MOB3B: variants seen among roughly 807,000 people sequenced by gnomAD.
The protein encoded by MOB3B is MOB kinase activator 3B, also known as MOB kinase activator-like 2B.
A neutral mutation model predicts 18.7 loss-of-function variants in MOB3B; 7 were observed. The ratio of observed to expected loss-of-function variants is 0.37; its 90% CI spans 0.21 to 0.70. The LOEUF is 0.70. Among genes scored for constraint, MOB3B ranks in the 30% least tolerant of loss-of-function variants. MOB3B has a pLI of 0.52. For synonymous variants in MOB3B, 111 were observed against 99.9 expected (o/e 1.11, Z -0.66); for missense variants, 253 against 281.3 (o/e 0.90, Z 0.72).
At chr9:27,364,908 C>T (rs539138194) in intron 2 of MOB3B, among the ~76,000 whole-genome samples, 1 of 152,272 alleles carries the variant, frequency 6.6e-6, no homozygotes, top group Non-Finnish European at 1.5e-5. Context: ...TTGCAAAAAA[C>T]TTACAGTGGC....
rs147687043 is a variant in MOB3B at position 27,525,203 on chromosome 9, G to A, written c.-199+4352C>T. 3.3e-5 allele frequency among the ~76,000 whole-genome samples: 5 copies of A among 152,212 alleles called. No homozygotes were observed. In the East Asian group the frequency reaches 9.7e-4, roughly 29 times the overall value. On this transcript the variant is annotated intron_variant, in intron 1 of 3. Coordinates refer to ENST00000262244, the MANE Select transcript of MOB3B (RefSeq NM_024761.5). Reference sequence around the variant, plus strand: ...TTTAAAGGAATAAGATTCCCTCTCCGTCTTCTTCTATTCTCTCTTGCTCTT... The same window carrying A: ...TTTAAAGGAATAAGATTCCCTCTCCATCTTCTTCTATTCTCTCTTGCTCTT...
At chr9:27,451,021 T>C (rs1822774885) in intron 2 of MOB3B, among the ~76,000 whole-genome samples, 1 of 152,190 alleles carries the variant, frequency 6.6e-6, no homozygotes, top group African/African-American at 2.4e-5. Flanking sequence ...CATGTAATTG[T>C]TTTATACATG....
intron 1 of MOB3B, among the ~76,000 whole-genome samples, chr9:27,494,840 C>A (rs1349868871): frequency 1.3e-5 from 2 of 152,044 alleles, no homozygotes; most frequent in South Asian, 2.1e-4. Context: ...ACAGTGCCAC[C>A]CCTCCCCCTA....
At chr9:27,415,050 C>T (rs578050155) in intron 2 of MOB3B, among the ~76,000 whole-genome samples, 8 of 151,668 alleles carry the variant, frequency 5.3e-5, no homozygotes, top group Admixed American at 2.0e-4. Flanking sequence ...TTAGTAGGGA[C>T]GGGGTTTCAC....
At chr9:27,432,671 C>A (rs944472444) in intron 2 of MOB3B, among the ~76,000 whole-genome samples, 1 of 152,168 alleles carries the variant, frequency 6.6e-6, no homozygotes, top group African/African-American at 2.4e-5. Flanking sequence ...TGTCTAGTCT[C>A]ATCCTTTCCT....
intron 1 of MOB3B, among the ~76,000 whole-genome samples, chr9:27,458,015 G>A (rs1207469480): frequency 6.6e-6 from 1 of 152,182 alleles, no homozygotes; most frequent in Non-Finnish European, 1.5e-5. Context: ...TACAGAGAAA[G>A]GGTGGTGAGG....
At chr9:27,455,084 T>A in intron 2 of MOB3B, 49 bp downstream of exon 2, 1 of 1,605,940 alleles carries the variant, frequency 6.2e-7, no homozygotes, top group Non-Finnish European at 8.5e-7. Flanking sequence ...ATTTTCATAG[T>A]GAAGATTGTG....
At chr9:27,430,620 A>G (rs1017561741) in intron 2 of MOB3B, among the ~76,000 whole-genome samples, 3 of 152,302 alleles carry the variant, frequency 2.0e-5, no homozygotes, top group East Asian at 1.9e-4. Flanking sequence ...ACATCACACC[A>G]TATTTTTTAT....
intron 2 of MOB3B, among the ~76,000 whole-genome samples, chr9:27,428,767 T>G (rs1045055311): frequency 4.6e-5 from 7 of 152,180 alleles, no homozygotes; most frequent in South Asian, 4.1e-4. Context: ...TTAGCACAAA[T>G]GCTGCATGCT....
chr9:27,529,478 C>T (rs1820497460), intron 1 of MOB3B, 77 bp downstream of exon 1: 3 of 935,480 alleles, frequency 3.2e-6, no homozygotes, highest in Non-Finnish European at 3.8e-6. Flanking sequence ...AACCTCGCCG[C>T]CCGCCCGGGC....
chr9:27,499,494 T>C (rs1819955042), intron 1 of MOB3B, among the ~76,000 whole-genome samples: 1 of 152,224 alleles, frequency 6.6e-6, no homozygotes, highest in Admixed American at 6.5e-5. Context: ...TCTTTATCTG[T>C]TTTTAACAAC....
intron 2 of MOB3B, among the ~76,000 whole-genome samples, chr9:27,453,486 A>G (rs1360528309): frequency 6.6e-6 from 1 of 152,206 alleles, no homozygotes; most frequent in Non-Finnish European, 1.5e-5. Flanking sequence ...ATATAGAGGC[A>G]TCCATAGAGG....
chr9:27,375,055 C>A (rs1194053482), intron 2 of MOB3B, among the ~76,000 whole-genome samples: 1 of 152,162 alleles, frequency 6.6e-6, no homozygotes, highest in Non-Finnish European at 1.5e-5. Context: ...CACTGGCCTG[C>A]CACCTGCTCC....
rs1016746273 is a variant in MOB3B at position 27,446,666 on chromosome 9, A to G, written c.418+8467T>C. On this transcript the variant is annotated intron_variant, in intron 2 of 3. Transcript: ENST00000262244. ...CTGAGGCTGTGATACTGAGGGAACTAACGTTTAAAGCTTACTGCTCTATGT... is the reference window on the plus strand; with the variant it reads ...CTGAGGCTGTGATACTGAGGGAACTGACGTTTAAAGCTTACTGCTCTATGT... Among the ~76,000 whole-genome samples, 95 of 152,234 alleles carry G rather than the reference A, an allele frequency of 6.2e-4. 1 individual carries two copies. The highest frequency in any genetic ancestry group is 2.2e-3 in the African/African-American group (93 of 41,462).
chr9:27,378,407 A>C (rs1563853942), intron 2 of MOB3B: 1 of 471,656 alleles, frequency 2.1e-6, no homozygotes, highest in East Asian at 6.9e-5. Flanking sequence ...AGTGAACAGG[A>C]GGCAAAGCTG....
chr9:27,454,414 G>A (rs1254932838), intron 2 of MOB3B, among the ~76,000 whole-genome samples: 1 of 152,160 alleles, frequency 6.6e-6, no homozygotes, highest in Non-Finnish European at 1.5e-5. Flanking sequence ...TTCAGCCTAC[G>A]GCATAAAACA....
chr9:27,522,690 C>T (rs1057427548), intron 1 of MOB3B, among the ~76,000 whole-genome samples: 2 of 151,860 alleles, frequency 1.3e-5, no homozygotes, highest in Non-Finnish European at 2.9e-5. Flanking sequence ...AGGGCATCAT[C>T]ATTATTTCTG....
rs1822859199 is a variant in MOB3B at position 27,455,732 on chromosome 9, G to A, written c.-182C>T. ...TCTTCCTCTTGAATGATTTCCAAGG[G>A]AACCTCATGTTCTTTCCTAAAGGTA... On this transcript the variant is annotated 5_prime_UTR_variant, in exon 2 of 4. Coordinates refer to ENST00000262244, the MANE Select transcript of MOB3B (RefSeq NM_024761.5). The A allele has an allele frequency of 7.6e-6, 11 of 1,448,206 alleles. No homozygotes were observed. Among genetic ancestry groups the A allele is most frequent in the Admixed American group, 2.8e-5 (1 of 35,450 alleles). 89.7% of individuals were successfully genotyped at this position (1,448,206 alleles called of 1,614,324 possible). A position where few individuals can be genotyped will look rare whatever the true frequency, so the allele number is the denominator to read the frequency against.
At chr9:27,510,014 T>C (rs1287469639) in intron 1 of MOB3B, among the ~76,000 whole-genome samples, 1 of 152,236 alleles carries the variant, frequency 6.6e-6, no homozygotes, top group Non-Finnish European at 1.5e-5. Context: ...CATGAGCCAC[T>C]GCACCCAGCC....
Sources: gnomAD v4.1 joint callset for allele counts (sites outside exome capture counted in the v4.1 genomes callset) on GRCh38, gnomAD v4.1.1 for gene constraint, MANE v1.5 for transcripts, NCBI Gene and HGNC (gene_info 2026-07-23, HGNC 2026-07-21) for gene names.